The following UMAD1 variants were observed in gnomAD, a reference collection of about 807,000 sequenced individuals.
The protein encoded by UMAD1 is UBAP1-MVB12-associated (UMA) domain containing 1.
In UMAD1, 8 loss-of-function variants were observed where a neutral mutation model predicts 6.1. The ratio of observed to expected loss-of-function variants is 1.30; its 90% CI spans 0.76 to 2.35. The LOEUF (loss-of-function observed/expected upper bound fraction) is 2.35. UMAD1 is among the 30% of genes most tolerant of loss of function. The pLI, the probability that UMAD1 is intolerant of heterozygous loss-of-function variation, is 0.00. For synonymous variants in UMAD1, 56 were observed against 31.4 expected, an observed-to-expected ratio of 1.78 and a Z score of -2.61; for missense variants, 130 against 78.4, an observed-to-expected ratio of 1.66 and a Z score of -2.49.
In UMAD1 at chr7:7,766,764, T is replaced by C. The variant is rs191091466; in HGVS notation, c.83-34906T>C. Among the ~76,000 whole-genome samples, 394 of 152,344 alleles carry C rather than the reference T, an allele frequency of 2.6e-3. 3 individuals carry two copies. The highest frequency in any genetic ancestry group is 8.3e-3 in the Admixed American group (127 of 15,298). On this transcript the variant is annotated intron_variant, in intron 2 of 3. Coordinates refer to ENST00000682710, the MANE Select transcript of UMAD1 (RefSeq NM_001302348.2). ...ATATATGTAATTTCCTACAAATGTGTACTTGTTTATCTAAGATTTGGACAA... is the reference window on the plus strand; with the variant it reads ...ATATATGTAATTTCCTACAAATGTGCACTTGTTTATCTAAGATTTGGACAA...
intron 2 of UMAD1, among the ~76,000 whole-genome samples, chr7:7,713,631 G>A (rs1583765594): frequency 6.6e-6 from 1 of 151,706 alleles, no homozygotes; most frequent in East Asian, 1.9e-4. Context: ...TTTCTTTGGA[G>A]TTTATTTTGT....
At chr7:7,652,453 A>G (rs1785245309) in intron 1 of UMAD1, among the ~76,000 whole-genome samples, 3 of 152,224 alleles carry the variant, frequency 2.0e-5, no homozygotes, top group Non-Finnish European at 4.4e-5. Context: ...AGCAGTCTGA[A>G]GCAAGTCATT....
chr7:7,765,472 A>G (rs1781966948), intron 2 of UMAD1, among the ~76,000 whole-genome samples: 1 of 152,248 alleles, frequency 6.6e-6, no homozygotes, highest in African/African-American at 2.4e-5. Flanking sequence ...CATATTAAAC[A>G]AATTTAATAA....
chr7:7,713,174 T>TA (rs1341258007), intron 2 of UMAD1, among the ~76,000 whole-genome samples: 2 of 150,870 alleles, frequency 1.3e-5, no homozygotes, highest in African/African-American at 2.4e-5. Context: ...CTGTTTCTAC[T>TA]AAAAATACAA....
At chr7:7,812,328 C>G (rs1416444196) in intron 3 of UMAD1, among the ~76,000 whole-genome samples, 1 of 152,280 alleles carries the variant, frequency 6.6e-6, no homozygotes, top group South Asian at 2.1e-4. Context: ...ACCAATTATT[C>G]CCTGCCAGAA....
intron 2 of UMAD1, among the ~76,000 whole-genome samples, chr7:7,680,978 C>G (rs977490295): frequency 6.6e-6 from 1 of 151,986 alleles, no homozygotes; most frequent in African/African-American, 2.4e-5. Context: ...CATATATCCA[C>G]ATAACTTTTT....
intron 2 of UMAD1, among the ~76,000 whole-genome samples, chr7:7,703,244 C>T (rs778912299): frequency 2.0e-4 from 31 of 152,252 alleles, no homozygotes; most frequent in Non-Finnish European, 3.4e-4. Flanking sequence ...AATGTGCTTA[C>T]AGTGAGGCTT....
At chr7:7,859,294 A>C (rs1784072846) in intron 3 of UMAD1, among the ~76,000 whole-genome samples, 1 of 152,202 alleles carries the variant, frequency 6.6e-6, no homozygotes, top group Non-Finnish European at 1.5e-5. Flanking sequence ...GCTTATGAGA[A>C]GATTGGCACT....
Position 7,640,758 on chromosome 7 carries a change from A to C in UMAD1, c.-127A>C. The C allele has an allele frequency of 4.1e-6, 1 of 241,200 alleles. No individual in the cohort carries two copies. Among genetic ancestry groups the C allele is most frequent in the Non-Finnish European group, 8.2e-6 (1 of 121,584 alleles). 14.9% of individuals were successfully genotyped at this position (241,200 alleles called of 1,614,324 possible). A position where few individuals can be genotyped will look rare whatever the true frequency, so the allele number is the denominator to read the frequency against. On this transcript the variant is annotated 5_prime_UTR_variant, in exon 1 of 4. Transcript: ENST00000682710. ...TCACAGGATTCCCGGCGGTGACTTG[A>C]CCCCGGAAGTGGGGTGTGAAGCTCC...
In UMAD1 at chr7:7,666,799, A is replaced by AATTT. The variant is rs569034034; in HGVS notation, c.-63-6494_-63-6491dup. On this transcript the variant is annotated intron_variant, in intron 1 of 3. Coordinates refer to ENST00000682710, the MANE Select transcript of UMAD1 (RefSeq NM_001302348.2). Reference sequence around the variant, plus strand: ...CCCATTTTTGTGGTTTGGACAGATGAATTTATTTATTTATTTATTGTTTGA... The same window carrying AATTT: ...CCCATTTTTGTGGTTTGGACAGATGAATTTATTTATTTATTTATTTATTGTTTGA... Among the ~76,000 whole-genome samples the AATTT allele has an allele frequency of 2.7e-3, 417 of 151,670 alleles. 2 individuals carry two copies. The highest frequency in any genetic ancestry group is 9.2e-3 in the African/African-American group (382 of 41,340).
intron 2 of UMAD1, among the ~76,000 whole-genome samples, chr7:7,767,477 A>G (rs1782012599): frequency 6.6e-6 from 1 of 152,204 alleles, no homozygotes; most frequent in Non-Finnish European, 1.5e-5. Context: ...GTTGCTAAGC[A>G]TGTTTATTTT....
At chr7:7,814,100 C>T (rs866808956) in intron 3 of UMAD1, among the ~76,000 whole-genome samples, 71 of 152,118 alleles carry the variant, frequency 4.7e-4, no homozygotes, top group African/African-American at 1.2e-3. Flanking sequence ...TCTCCTGCTT[C>T]AGCCTCCCAA....
intron 2 of UMAD1, chr7:7,738,440 G>C (rs1781402553): frequency 1.3e-5 from 2 of 152,176 alleles, no homozygotes; most frequent in Non-Finnish European, 2.9e-5. Context: ...GATGTTTAAT[G>C]GACTATTGTT....
At chr7:7,799,003 T>A (rs1452256871) in intron 2 of UMAD1, among the ~76,000 whole-genome samples, 1 of 152,214 alleles carries the variant, frequency 6.6e-6, no homozygotes, top group East Asian at 1.9e-4. Context: ...TTTTTATCTA[T>A]CCAAGATATA....
At chr7:7,794,404 G>A (rs1000358943) in intron 2 of UMAD1, among the ~76,000 whole-genome samples, 1 of 152,116 alleles carries the variant, frequency 6.6e-6, no homozygotes, top group Non-Finnish European at 1.5e-5. Flanking sequence ...GAGCAAAAGG[G>A]CGTCCTAATC....
chr7:7,849,374 T>C (rs1311178799), intron 3 of UMAD1, among the ~76,000 whole-genome samples: 1 of 152,178 alleles, frequency 6.6e-6, no homozygotes, highest in Admixed American at 6.6e-5. Context: ...TGTTAACTAC[T>C]ATATTTATGT....
chr7:7,652,154 G>A (rs1386343387), intron 1 of UMAD1, among the ~76,000 whole-genome samples: 1 of 152,158 alleles, frequency 6.6e-6, no homozygotes, highest in East Asian at 1.9e-4. Flanking sequence ...AGTGGGGATG[G>A]ACAAAGTATT....
chr7:7,878,732 G>T lies in UMAD1; in HGVS notation c.*1194G>T, dbSNP rs1784472545. ...AGTGAAACTAAACACTGTGCATAAA[G>T]GTACATGAATTATTCCAGTTTTAAA... On this transcript the variant is annotated 3_prime_UTR_variant, in exon 4 of 4. Coordinates refer to ENST00000682710, the MANE Select transcript of UMAD1 (RefSeq NM_001302348.2). 6.6e-6 allele frequency: 1 copy of T among 152,112 alleles called. No individual in the cohort carries two copies. The highest frequency in any genetic ancestry group is 6.5e-5 in the Admixed American group (1 of 15,274). The allele number at this position is 152,112 out of a possible 1,614,324, so 9.4% of individuals were successfully genotyped here.
chr7:7,796,612 T>C (rs1782688786), intron 2 of UMAD1, among the ~76,000 whole-genome samples: 1 of 152,182 alleles, frequency 6.6e-6, no homozygotes, highest in African/African-American at 2.4e-5. Context: ...GTATCCCCAT[T>C]GTTCCTATAG....
Sources: gnomAD v4.1 joint callset for allele counts (sites outside exome capture counted in the v4.1 genomes callset) on GRCh38, gnomAD v4.1.1 for gene constraint, MANE v1.5 for transcripts, NCBI Gene and HGNC (gene_info 2026-07-23, HGNC 2026-07-21) for gene names.